Variants in SNAP23 observed in about 807,000 individuals in gnomAD.
SNAP23 encodes the protein synaptosome associated protein 23, also known as synaptosomal-associated protein 23.
SNAP23 carries 11 observed loss-of-function variants against 29.0 expected under a neutral mutation model. The ratio of observed to expected loss-of-function variants is 0.38; its 90% confidence interval spans 0.24 to 0.63. SNAP23 has a LOEUF of 0.63. Among genes scored for constraint, SNAP23 ranks in the 20% least tolerant of loss-of-function variants. SNAP23 has a pLI of 0.58. For synonymous variants in SNAP23, 60 were observed against 82.9 expected (o/e 0.72, Z 1.50); for missense variants, 220 against 253.9 (o/e 0.87, Z 0.91).
chr15:42,497,328 C>T lies in SNAP23; in HGVS notation c.-15+1615C>T, dbSNP rs966328207. ...GGGTCAAGCAATTCTTCTGCCTCAACGTCCCAAGTAGCTGGGATTACAGGC... is the reference window on the plus strand; with the variant it reads ...GGGTCAAGCAATTCTTCTGCCTCAATGTCCCAAGTAGCTGGGATTACAGGC... On this transcript the variant is annotated intron_variant, in intron 1 of 7. Coordinates refer to ENST00000249647, the MANE Select transcript of SNAP23 (RefSeq NM_003825.4). Among the ~76,000 whole-genome samples, 6 of 151,526 alleles carry T rather than the reference C, an allele frequency of 4.0e-5. No homozygotes were observed. In the East Asian group the frequency reaches 7.8e-4, roughly 20 times the overall value.
At chr15:42,507,894 T>C (rs2141516779) in intron 1 of SNAP23, among the ~76,000 whole-genome samples, 1 of 152,282 alleles carries the variant, frequency 6.6e-6, no homozygotes, top group Non-Finnish European at 1.5e-5. Flanking sequence ...GGTAAATTTT[T>C]TTTTCAGTAA....
intron 5 of SNAP23, among the ~76,000 whole-genome samples, chr15:42,526,803 A>T (rs1443653173): frequency 1.3e-5 from 2 of 150,530 alleles, no homozygotes; most frequent in Non-Finnish European, 3.0e-5. Flanking sequence ...TGTAATAGCC[A>T]CTTTTTCTTT....
At chr15:42,510,243 C>T (rs562128176) in intron 1 of SNAP23, among the ~76,000 whole-genome samples, 3 of 151,950 alleles carry the variant, frequency 2.0e-5, no homozygotes, top group Non-Finnish European at 2.9e-5. Flanking sequence ...TCAAGCAATC[C>T]GCCCACCCCA....
At chr15:42,515,178 A>AT (rs2057388537) in intron 4 of SNAP23, 59 bp from the exon 5 acceptor site, 6 of 1,029,490 alleles carry the variant, frequency 5.8e-6, no homozygotes, top group African/African-American at 1.6e-5. Flanking sequence ...TAATAATAGC[A>AT]TTTTCTGGTT....
At chr15:42,505,453 T>C (rs2141512045) in intron 1 of SNAP23, 1 of 152,276 alleles carries the variant, frequency 6.6e-6, no homozygotes, top group African/African-American at 2.4e-5. Flanking sequence ...TCCAAGGCCT[T>C]ATTTAAATTC....
intron 1 of SNAP23, among the ~76,000 whole-genome samples, chr15:42,510,850 T>TTA (rs2057353675): frequency 6.6e-6 from 1 of 152,132 alleles, no homozygotes; most frequent in African/African-American, 2.4e-5. Context: ...TCCCTGCCTC[T>TTA]ACCTACTAGA....
chr15:42,518,774 G>A (rs979240852), intron 5 of SNAP23, among the ~76,000 whole-genome samples: 3 of 152,138 alleles, frequency 2.0e-5, no homozygotes, highest in Non-Finnish European at 2.9e-5. Flanking sequence ...TGCTGTAATG[G>A]TGCCACAACT....
chr15:42,513,713 C>T (rs2057376024), intron 4 of SNAP23, among the ~76,000 whole-genome samples: 1 of 152,054 alleles, frequency 6.6e-6, no homozygotes, highest in Non-Finnish European at 1.5e-5. Context: ...GTGCCTTAGA[C>T]ATTATGATAG....
At chr15:42,520,471 T>C (rs1329959359) in intron 5 of SNAP23, among the ~76,000 whole-genome samples, 1 of 152,174 alleles carries the variant, frequency 6.6e-6, no homozygotes, top group Non-Finnish European at 1.5e-5. Flanking sequence ...AACTGCTTGA[T>C]GTCCCAGTTT....
In SNAP23 at chr15:42,531,913, C is replaced by G. The variant is rs1373643729; in HGVS notation, c.*435C>G. ...TACCTCAGTAAAAACCTTCAGGCCA[C>G]AAAGCAAAAAGTTGCATAGCCACAA... On this transcript the variant is annotated 3_prime_UTR_variant, in exon 8 of 8. Transcript: ENST00000249647. 1 of 153,012 alleles carries G rather than the reference C, an allele frequency of 6.5e-6. No individual in the cohort carries two copies. Among genetic ancestry groups the G allele is most frequent in the Non-Finnish European group, 1.5e-5 (1 of 68,572 alleles). The allele number at this position is 153,012 out of a possible 1,614,324, so 9.5% of individuals were successfully genotyped here.
intron 5 of SNAP23, among the ~76,000 whole-genome samples, chr15:42,525,486 C>T (rs868690370): frequency 1.7e-4 from 2 of 11,654 alleles, no homozygotes; most frequent in Admixed American, 1.3e-3. Context: ...TTTTTTGAGA[C>T]GGAGTCTCAC....
At chr15:42,519,651 T>C (rs1293247963) in intron 5 of SNAP23, among the ~76,000 whole-genome samples, 1 of 152,152 alleles carries the variant, frequency 6.6e-6, no homozygotes, top group African/African-American at 2.4e-5. Context: ...GTTACAGGCA[T>C]GAGCCACCGT....
upstream of SNAP23, among the ~76,000 whole-genome samples, chr15:42,494,491 A>G (rs1343130226): frequency 7.3e-6 from 1 of 136,624 alleles, no homozygotes; most frequent in African/African-American, 2.8e-5. Context: ...CCGCCACCAC[A>G]CCCAGCTATT....
intron 5 of SNAP23, chr15:42,521,612 A>G (rs1252902609): frequency 1.3e-6 from 2 of 1,530,304 alleles, no homozygotes; most frequent in African/African-American, 2.7e-5. Flanking sequence ...CTAAAAATGA[A>G]GATTTAACAT....
chr15:42,509,866 C>T (rs1215023755), intron 1 of SNAP23, among the ~76,000 whole-genome samples: 4 of 152,046 alleles, frequency 2.6e-5, no homozygotes, highest in African/African-American at 4.8e-5. Context: ...GTCTGGAGTT[C>T]GAGATCAGCC....
intron 5 of SNAP23, among the ~76,000 whole-genome samples, chr15:42,520,745 T>C (rs370217699): frequency 9.9e-5 from 15 of 151,332 alleles, no homozygotes; most frequent in African/African-American, 2.4e-4. Context: ...CCGCCCGCCT[T>C]GGCCTCCCAA....
At chr15:42,495,954 G>A (rs2057215998) in intron 1 of SNAP23, 1 of 152,172 alleles carries the variant, frequency 6.6e-6, no homozygotes, top group Non-Finnish European at 1.5e-5. Flanking sequence ...ACCCTTCCTC[G>A]AAATTAAACA....
chr15:42,507,650 C>T (rs1016013109), intron 1 of SNAP23, among the ~76,000 whole-genome samples: 1 of 152,104 alleles, frequency 6.6e-6, no homozygotes. Flanking sequence ...TTCCTGATTC[C>T]GTAAGGAAAA....
At position 42,517,120 on chromosome 15, in the gene SNAP23, G is replaced by A. The variant is rs562715093; in HGVS notation, c.266+1766G>A. Among the ~76,000 whole-genome samples, 5 of 152,110 alleles carry A rather than the reference G, an allele frequency of 3.3e-5. No individual in the cohort carries two copies. The South Asian group carries it at 6.2e-4, about 19-fold the overall frequency. On this transcript the variant is annotated intron_variant, in intron 5 of 7. Coordinates refer to ENST00000249647, the MANE Select transcript of SNAP23 (RefSeq NM_003825.4). ...TTTTTAGTAGAGACAGGGTTTCGCC[G>A]TGTTGGCCAGGCTGGTCTCAAACTC...
Sources: allele counts gnomAD v4.1 joint callset (sites outside exome capture counted in the v4.1 genomes callset), GRCh38; gene constraint gnomAD v4.1.1; transcripts MANE v1.5; gene names NCBI Gene and HGNC (gene_info 2026-07-23, HGNC 2026-07-21).